The following ASTN1 variants were observed in gnomAD, a reference collection of about 807,000 sequenced individuals.
ASTN1 encodes the protein astrotactin 1.
A neutral mutation model predicts 140.7 loss-of-function variants in ASTN1; 41 were observed. The observed-to-expected ratio is 0.29, with a 90% CI of 0.23 to 0.38. The LOEUF is 0.38. ASTN1 is among the 10% of genes least tolerant of loss of function. ASTN1 has a pLI of 1.00. For synonymous variants in ASTN1, 640 were observed against 652.2 expected, an observed-to-expected ratio of 0.98 and a Z score of 0.29; for missense variants, 1,479 against 1,678.8, an observed-to-expected ratio of 0.88 and a Z score of 2.08.
At chr1:176,948,174 C>T (rs1222748211) in intron 12 of ASTN1, among the ~76,000 whole-genome samples, 1 of 152,158 alleles carries the variant, frequency 6.6e-6, no homozygotes. Flanking sequence ...GCAAGCCTAT[C>T]AGACTGTGAG....
intron 8 of ASTN1, chr1:176,976,304 A>C (rs955921096): frequency 2.6e-5 from 4 of 152,092 alleles, no homozygotes; most frequent in African/African-American, 4.8e-5. Context: ...ACAAACACAC[A>C]TGTCACAGCT....
chr1:177,001,967 G>A (rs975219157), intron 8 of ASTN1, among the ~76,000 whole-genome samples: 1 of 152,146 alleles, frequency 6.6e-6, no homozygotes, highest in Non-Finnish European at 1.5e-5. Context: ...GGAAGACCAC[G>A]CTTAGAACTG....
chr1:177,063,709 AG>A (rs752313179), intron 1 of ASTN1, among the ~76,000 whole-genome samples: 24 of 152,016 alleles, frequency 1.6e-4, no homozygotes, highest in Admixed American at 9.8e-4. Flanking sequence ...AAGCCCCAAA[AG>A]CTCCTCCCAA....
At chr1:176,970,550 T>C (rs1673093101) in intron 8 of ASTN1, among the ~76,000 whole-genome samples, 1 of 149,856 alleles carries the variant, frequency 6.7e-6, no homozygotes, top group Non-Finnish European at 1.5e-5. Context: ...GGAGAAGAAA[T>C]AGAGATAGGT....
intron 7 of ASTN1, 118 bp downstream of exon 7, chr1:177,023,286 C>A: frequency 7.5e-7 from 1 of 1,336,078 alleles, no homozygotes; most frequent in Non-Finnish European, 1.0e-6. Context: ...TCCGCATGGT[C>A]TAGGCTCGAG....
intron 7 of ASTN1, among the ~76,000 whole-genome samples, chr1:177,015,680 G>C (rs542491892): frequency 1.3e-5 from 2 of 152,194 alleles, no homozygotes; most frequent in East Asian, 3.9e-4. Context: ...ATGCAAAACT[G>C]TATATGTGTG....
intron 2 of ASTN1, among the ~76,000 whole-genome samples, chr1:177,038,524 G>A (rs889886931): frequency 2.6e-5 from 4 of 152,094 alleles, no homozygotes; most frequent in Admixed American, 1.3e-4. Context: ...GAGGGAGGAA[G>A]AGAAGGAAGA....
chr1:177,138,004 G>A (rs545529407), intron 1 of ASTN1, among the ~76,000 whole-genome samples: 4 of 152,090 alleles, frequency 2.6e-5, no homozygotes, highest in Admixed American at 1.3e-4. Flanking sequence ...CAGGAAATAC[G>A]GCCCTCTAGA....
At position 177,164,601 on chromosome 1, in the gene ASTN1, C is replaced by T. The variant is rs766331604; in HGVS notation, c.76G>A (p.Asp26Asn). 1.2e-6 allele frequency: 2 copies of T among 1,611,898 alleles called. No individual in the cohort carries two copies. The highest frequency in any genetic ancestry group is 3.3e-5 in the Admixed American group (2 of 59,848). ...TCCAGCTCCTTGGATGGATCCACGT[C>T]GCCGGCGGCCGTGGCCAGCACCGCC... ...PAAVLATAAG[D>N]VDPSKELECK... The change falls in exon 1 of 23, where the codon GAC (aspartate) becomes AAC (asparagine). Residue 26 changes from aspartate (D) to asparagine (N), a missense_variant. This residue lies in a region of ASTN1 where 729 missense variants were observed against 860.4 expected (regional missense o/e 0.85). Transcript: ENST00000361833.
chr1:177,004,604 G>A (rs760375812), intron 8 of ASTN1, among the ~76,000 whole-genome samples: 27 of 152,214 alleles, frequency 1.8e-4, no homozygotes, highest in South Asian at 6.2e-4. Context: ...AACCAAAATA[G>A]CATGGTACTG....
At chr1:176,912,722 G>A (rs947911039) in intron 16 of ASTN1, among the ~76,000 whole-genome samples, 1 of 152,094 alleles carries the variant, frequency 6.6e-6, no homozygotes, top group Non-Finnish European at 1.5e-5. Context: ...GGAACACAGG[G>A]GGATGGTGGA....
intron 1 of ASTN1, among the ~76,000 whole-genome samples, chr1:177,064,324 A>C (rs1423750115): frequency 6.6e-6 from 1 of 152,208 alleles, no homozygotes; most frequent in Non-Finnish European, 1.5e-5. Context: ...TATAATTCAC[A>C]TACCATAAAA....
At chr1:176,896,889 G>T (rs938499338) in intron 16 of ASTN1, among the ~76,000 whole-genome samples, 1 of 152,116 alleles carries the variant, frequency 6.6e-6, no homozygotes, top group African/African-American at 2.4e-5. Flanking sequence ...AAGCCCAGTG[G>T]TCTCTCTGAA....
chr1:177,053,113 C>T (rs1177857501), intron 2 of ASTN1, among the ~76,000 whole-genome samples: 1 of 152,210 alleles, frequency 6.6e-6, no homozygotes, highest in Admixed American at 6.5e-5. Context: ...AGCTTTATTA[C>T]TATGAATATT....
At position 176,862,583 on chromosome 1, in the gene ASTN1, C is replaced by G; in HGVS notation, c.*1701G>C. ...AACAGAACTGGGTATCCCAGAGTAG[C>G]TAAGATCCTGTGCCCTGGAGACCAA... On this transcript the variant is annotated 3_prime_UTR_variant, in exon 23 of 23. Coordinates refer to ENST00000361833, the MANE Select transcript of ASTN1 (RefSeq NM_004319.3). The G allele has an allele frequency of 1.0e-6, 1 of 985,270 alleles. No homozygotes were observed. Among genetic ancestry groups the G allele is most frequent in the Non-Finnish European group, 1.2e-6 (1 of 829,810 alleles). The allele number at this position is 985,270 out of a possible 1,614,324, so 61.0% of individuals were successfully genotyped here.
chr1:177,142,065 A>T (rs1682496707), intron 1 of ASTN1, among the ~76,000 whole-genome samples: 1 of 152,208 alleles, frequency 6.6e-6, no homozygotes, highest in Non-Finnish European at 1.5e-5. Flanking sequence ...CAGTATTAGA[A>T]AAACTACAGG....
intron 22 of ASTN1, 29 bp downstream of exon 22, chr1:176,868,815 T>C (rs1478569447): frequency 2.6e-6 from 4 of 1,567,192 alleles, no homozygotes; most frequent in South Asian, 1.2e-5. Flanking sequence ...AAGAAGTCTT[T>C]AAAAGGGTTG....
At chr1:176,994,076 T>G (rs1674319834) in intron 8 of ASTN1, among the ~76,000 whole-genome samples, 2 of 151,760 alleles carry the variant, frequency 1.3e-5, no homozygotes, top group Non-Finnish European at 1.5e-5. Context: ...TCTGATATTA[T>G]GGAAGTACTT....
At chr1:176,956,710 G>A (rs1401605765) in intron 11 of ASTN1, among the ~76,000 whole-genome samples, 4 of 152,126 alleles carry the variant, frequency 2.6e-5, no homozygotes, top group Non-Finnish European at 4.4e-5. Context: ...TTCTGCCTTC[G>A]AAGAAGGGAG....
Sources: allele counts gnomAD v4.1 joint callset (sites outside exome capture counted in the v4.1 genomes callset), GRCh38; gene constraint gnomAD v4.1.1; regional missense constraint gnomAD v4.1.1; transcripts MANE v1.5; gene names NCBI Gene and HGNC (gene_info 2026-07-23, HGNC 2026-07-21).